The following SHROOM4 variants were observed in gnomAD, a reference collection of about 807,000 sequenced individuals.
The protein encoded by SHROOM4 is shroom family member 4.
SHROOM4 carries 17 observed loss-of-function variants against 80.3 expected under a neutral mutation model. The observed-to-expected ratio is 0.21, with a 90% CI of 0.14 to 0.32. The LOEUF is 0.32. Ranked by LOEUF, SHROOM4 falls within the 10% of genes least tolerant of loss-of-function variation. SHROOM4 has a pLI of 1.00. For missense variants in SHROOM4, 993 were observed against 1,140.3 expected (o/e 0.87, Z 1.86); for synonymous variants, 400 against 437.5 (o/e 0.91, Z 1.07).
chrX:50,627,516 G>A (rs1930851507), intron 5 of SHROOM4, 98 bp downstream of exon 5: 1 of 785,625 alleles, frequency 1.3e-6, no homozygotes, highest in African/African-American at 2.1e-5. Context: ...TACCAGGCCA[G>A]TTTCCTCAAA....
chrX:50,674,495 T>C (rs1329425070), intron 2 of SHROOM4, among the ~76,000 whole-genome samples: 2 of 111,570 alleles, frequency 1.8e-5, no homozygotes, highest in Non-Finnish European at 3.8e-5. Context: ...TTTCAACATA[T>C]GGTGCTGTAA....
intron 1 of SHROOM4, among the ~76,000 whole-genome samples, chrX:50,749,510 G>A (rs1307010038): frequency 9.0e-6 from 1 of 111,661 alleles, no homozygotes; most frequent in East Asian, 2.8e-4. Flanking sequence ...ATAGAGCAAT[G>A]GGAGGATAGA....
intron 6 of SHROOM4, among the ~76,000 whole-genome samples, chrX:50,606,929 G>A (rs1026352079): frequency 1.8e-5 from 2 of 109,198 alleles, no homozygotes; most frequent in African/African-American, 6.7e-5. Flanking sequence ...AGCAGAGGCA[G>A]GTCAGGTTGT....
intron 1 of SHROOM4, among the ~76,000 whole-genome samples, chrX:50,790,242 C>T (rs1557271411): frequency 9.0e-6 from 1 of 110,885 alleles, no homozygotes; most frequent in African/African-American, 3.3e-5. Flanking sequence ...CTGACCAAGA[C>T]TGTCACAAAG....
At chrX:50,680,575 C>G (rs147600913) in intron 2 of SHROOM4, among the ~76,000 whole-genome samples, 1 of 110,685 alleles carries the variant, frequency 9.0e-6, no homozygotes, top group Non-Finnish European at 1.9e-5. Context: ...ACCTCATGCC[C>G]CTTTACCTCT....
intron 1 of SHROOM4, among the ~76,000 whole-genome samples, chrX:50,813,176 G>GGCGGCGGCGGCGGCA (rs1448590722): frequency 9.2e-6 from 1 of 109,256 alleles, no homozygotes; most frequent in Non-Finnish European, 1.9e-5. Context: ...CGGCGGCGGC[G>GGCGGCGGCGGCGGCA]GCGGCGGCGG....
intron 2 of SHROOM4, among the ~76,000 whole-genome samples, chrX:50,672,592 G>A (rs1421135412): frequency 9.0e-6 from 1 of 111,416 alleles, no homozygotes; most frequent in African/African-American, 3.3e-5. Context: ...TAGAAGGAGA[G>A]AAGCAGAGCA....
chrX:50,743,106 A>AGTGTGT (rs56291087), intron 1 of SHROOM4, among the ~76,000 whole-genome samples: 1 of 98,232 alleles, frequency 1.0e-5, no homozygotes, highest in Admixed American at 1.2e-4. Flanking sequence ...CCCATTCAGT[A>AGTGTGT]GTGTGTGTGT....
At chrX:50,630,215 T>C (rs781948105) in intron 4 of SHROOM4, among the ~76,000 whole-genome samples, 8 of 110,510 alleles carry the variant, frequency 7.2e-5, no homozygotes, top group Non-Finnish European at 1.5e-4. Flanking sequence ...GCTGCAGCCG[T>C]CATCTCCTCA....
intron 1 of SHROOM4, among the ~76,000 whole-genome samples, chrX:50,714,570 AG>A (rs1684420693): frequency 8.9e-6 from 1 of 112,266 alleles, no homozygotes; most frequent in Non-Finnish European, 1.9e-5. Flanking sequence ...TATCAATAAA[AG>A]AAAAAAAGGA....
intron 7 of SHROOM4, 52 bp from the exon 8 acceptor site, chrX:50,598,587 A>C (rs782377111): frequency 1.7e-6 from 2 of 1,147,349 alleles, no homozygotes. Flanking sequence ...GATCAACAGA[A>C]ACTGATTTGT....
rs1928899882 is a variant in SHROOM4, at chrX:50,591,813, G to A, written c.*4882C>T. On this transcript the variant is annotated 3_prime_UTR_variant, in exon 9 of 9. Transcript: ENST00000376020. The stretch of plus-strand genomic sequence containing the variant: ...GCTCACTGCAATCTCTGCCTTCCAG[G>A]TTCAAGCAATTCTCCTGCCTCAGCC... 3.3e-6 allele frequency: 1 copy of A among 306,337 alleles called. No individual in the cohort carries two copies. Among genetic ancestry groups the A allele is most frequent in the Admixed American group, 3.4e-5 (1 of 29,361 alleles). 25.2% of individuals were successfully genotyped at this position (306,337 alleles called of 1,213,427 possible). A position where few individuals can be genotyped will look rare whatever the true frequency, so the allele number is the denominator to read the frequency against.
chrX:50,766,665 A>G (rs1935283843), intron 1 of SHROOM4, among the ~76,000 whole-genome samples: 1 of 111,790 alleles, frequency 8.9e-6, no homozygotes. Flanking sequence ...GAGGAGTGGT[A>G]AATTTCTGAA....
chrX:50,645,937 A>G lies in SHROOM4; in HGVS notation c.270-7629T>C, dbSNP rs1478399212. Among the ~76,000 whole-genome samples, 8 of 111,298 alleles carry G rather than the reference A, an allele frequency of 7.2e-5. No individual in the cohort carries two copies. The East Asian group carries it at 2.3e-3, about 32-fold the overall frequency. ...AGAGGTGAGGGGTGGAGGTGGACCA[A>G]TTCTGAAAGGAGTCAGTCTCCAGCT... is the stretch of plus-strand genomic sequence containing the variant. On this transcript the variant is annotated intron_variant, in intron 2 of 8. Coordinates refer to ENST00000376020, the MANE Select transcript of SHROOM4 (RefSeq NM_020717.5).
chrX:50,608,117 C>T lies in SHROOM4; in HGVS notation c.3025G>A (p.Ala1009Thr). 2.5e-6 allele frequency: 3 copies of T among 1,211,664 alleles called. No individual in the cohort carries two copies. Among genetic ancestry groups the T allele is most frequent in the Non-Finnish European group, 3.4e-6 (3 of 895,518 alleles). The change falls in exon 6 of 9, where the codon GCA becomes ACA. Residue 1009 changes from alanine to threonine, a missense_variant. Coordinates refer to ENST00000376020, the MANE Select transcript of SHROOM4 (RefSeq NM_020717.5). ...GCTCGGTAGCTTGACAAGTCCAGTG[C>T]TGGGTTCTCAAGGCAAGGATGGAAA... Reference protein sequence around the residue: ...TPFHPCLENPALDLSSYRAIS... With the variant: ...TPFHPCLENPTLDLSSYRAIS...
At chrX:50,582,229 G>C (rs1181559132), downstream of SHROOM4, among the ~76,000 whole-genome samples, 3 of 111,820 alleles carry the variant, frequency 2.7e-5, no homozygotes, top group African/African-American at 6.5e-5. Flanking sequence ...GAACTAGAGT[G>C]AGCTTGGAAG....
In SHROOM4 at chrX:50,598,796, T is replaced by C. The variant is rs782663757; in HGVS notation, c.3943-261A>G. Among the ~76,000 whole-genome samples, 5 of 111,721 alleles carry C rather than the reference T, an allele frequency of 4.5e-5. No individual in the cohort carries two copies. The East Asian group carries it at 1.4e-3, about 32-fold the overall frequency. On this transcript the variant is annotated intron_variant, in intron 7 of 8. Transcript: ENST00000376020. Reference sequence around the variant, plus strand: ...TGGTATCCATGCACTAAACTTCATTTACCAGATGCAACTTAATAAATACTT... The same window carrying C: ...TGGTATCCATGCACTAAACTTCATTCACCAGATGCAACTTAATAAATACTT...
chrX:50,796,644 T>G lies in SHROOM4; in HGVS notation c.117+17258A>C, dbSNP rs1398583738. Among the ~76,000 whole-genome samples, 3 of 111,390 alleles carry G rather than the reference T, an allele frequency of 2.7e-5. No individual in the cohort carries two copies. In the Admixed American group the frequency reaches 2.9e-4, roughly 11 times the overall value. ...TGGATAGAAGAAGTGTCTTATAAGA[T>G]AAATTTAACAGGAGTGATCTTAGAA... On this transcript the variant is annotated intron_variant, in intron 1 of 8. Coordinates refer to ENST00000376020, the MANE Select transcript of SHROOM4 (RefSeq NM_020717.5).
rs1929710601 is a variant in SHROOM4 at position 50,607,363 on chromosome X, T to A, written c.3761+18A>T. ...TGCCTGCCTCTTCAGAGACCTAGTA[T>A]CTTTCATATGTACTTACTTGGCGGA... On this transcript the variant is annotated intron_variant, in intron 6 of 8. Coordinates refer to ENST00000376020, the MANE Select transcript of SHROOM4 (RefSeq NM_020717.5). 1 of 1,207,481 alleles carries A rather than the reference T, an allele frequency of 8.3e-7. No individual in the cohort carries two copies. The highest frequency in any genetic ancestry group is 1.1e-6 in the Non-Finnish European group (1 of 894,092).
Sources: allele counts gnomAD v4.1 joint callset (sites outside exome capture counted in the v4.1 genomes callset), GRCh38; gene constraint gnomAD v4.1.1; transcripts MANE v1.5; gene names NCBI Gene and HGNC (gene_info 2026-07-23, HGNC 2026-07-21).